DNAJC1: variants seen among roughly 807,000 people sequenced by gnomAD.
The protein encoded by DNAJC1 is dnaJ homolog subfamily C member 1.
Under a neutral mutation model 76.6 loss-of-function variants are expected in DNAJC1, and 58 were observed. That is an observed-to-expected ratio of 0.76 (90% CI 0.61 to 0.94). DNAJC1 has a LOEUF of 0.94. DNAJC1 is among the 40% of genes least tolerant of loss of function. DNAJC1 has a pLI of 0.00. For synonymous variants in DNAJC1, 258 were observed against 267.9 expected (o/e 0.96, Z 0.36); for missense variants, 689 against 677.3 (o/e 1.02, Z -0.19).
At chr10:21,863,128 G>A (rs999195041) in intron 8 of DNAJC1, among the ~76,000 whole-genome samples, 12 of 151,912 alleles carry the variant, frequency 7.9e-5, no homozygotes, top group East Asian at 5.8e-4. Flanking sequence ...GTGAAACTCC[G>A]TCTCAGAAAA....
At chr10:21,979,270 C>A (rs1564843609) in intron 1 of DNAJC1, among the ~76,000 whole-genome samples, 1 of 152,006 alleles carries the variant, frequency 6.6e-6, no homozygotes, top group Non-Finnish European at 1.5e-5. Flanking sequence ...TCTGATCAAT[C>A]TCTGAGTGCA....
At chr10:21,780,691 C>T (rs1215921305) in intron 9 of DNAJC1, among the ~76,000 whole-genome samples, 26 of 152,152 alleles carry the variant, frequency 1.7e-4, no homozygotes, top group Admixed American at 5.2e-4. Context: ...CATCAACTAA[C>T]GAGCAAAATA....
chr10:21,859,048 A>C (rs1202271320), intron 8 of DNAJC1, among the ~76,000 whole-genome samples: 1 of 152,226 alleles, frequency 6.6e-6, no homozygotes, highest in East Asian at 1.9e-4. Context: ...TATAATTTTT[A>C]AAATTTCATC....
chr10:21,872,073 CTT>C (rs546290479), intron 8 of DNAJC1, among the ~76,000 whole-genome samples: 46 of 132,934 alleles, frequency 3.5e-4, no homozygotes, highest in Admixed American at 6.8e-4. Flanking sequence ...GTTAAATCAT[CTT>C]TTTTTTTTTT....
chr10:21,959,622 C>T (rs1811055655), intron 1 of DNAJC1, among the ~76,000 whole-genome samples: 1 of 151,478 alleles, frequency 6.6e-6, no homozygotes, highest in Admixed American at 6.6e-5. Context: ...TCTGTCTCTA[C>T]TGAAAATACA....
intron 8 of DNAJC1, among the ~76,000 whole-genome samples, chr10:21,815,038 C>T (rs1835052455): frequency 6.6e-6 from 1 of 152,174 alleles, no homozygotes; most frequent in Non-Finnish European, 1.5e-5. Flanking sequence ...TCCACGACCT[C>T]AGCTAGAAAG....
At chr10:21,803,726 T>C (rs1834844946) in intron 9 of DNAJC1, 1 of 612,224 alleles carries the variant, frequency 1.6e-6, no homozygotes, top group Non-Finnish European at 2.0e-6. Context: ...AGAATGAAAA[T>C]GCAGTGTGGG....
intron 1 of DNAJC1, among the ~76,000 whole-genome samples, chr10:21,965,087 T>C (rs1258757890): frequency 1.3e-5 from 2 of 152,174 alleles, no homozygotes. Context: ...TTACTATTAA[T>C]ATTATACAAC....
intron 1 of DNAJC1, among the ~76,000 whole-genome samples, chr10:21,947,989 CAT>C (rs1001050695): frequency 6.6e-6 from 1 of 151,822 alleles, no homozygotes; most frequent in African/African-American, 2.4e-5. Context: ...AAGGCAAATA[CAT>C]AGTTTGATTT....
At chr10:21,762,785 C>T (rs1404982181) in intron 10 of DNAJC1, among the ~76,000 whole-genome samples, 1 of 152,176 alleles carries the variant, frequency 6.6e-6, no homozygotes, top group South Asian at 2.1e-4. Context: ...GTATTTTTAA[C>T]AAATGAGTTC....
chr10:21,774,405 ACTCT>A (rs565571703), intron 9 of DNAJC1, among the ~76,000 whole-genome samples: 116 of 152,266 alleles, frequency 7.6e-4, no homozygotes, highest in African/African-American at 2.5e-3. Context: ...GATTCATATA[ACTCT>A]CTAACATCTT....
At chr10:21,881,285 A>G (rs1030083416) in intron 8 of DNAJC1, among the ~76,000 whole-genome samples, 8 of 152,192 alleles carry the variant, frequency 5.3e-5, no homozygotes, top group Admixed American at 5.2e-4. Flanking sequence ...CCTTTGATGT[A>G]TTCACTGGAA....
At chr10:21,898,843 A>G (rs1836593929) in intron 7 of DNAJC1, among the ~76,000 whole-genome samples, 1 of 152,162 alleles carries the variant, frequency 6.6e-6, no homozygotes, top group Non-Finnish European at 1.5e-5. Context: ...TACTAAAAAA[A>G]AAAAAAAGAA....
intron 9 of DNAJC1, among the ~76,000 whole-genome samples, chr10:21,767,720 GCA>G (rs1402247582): frequency 3.3e-5 from 5 of 152,174 alleles, no homozygotes; most frequent in African/African-American, 1.2e-4. Context: ...TATTGACCAG[GCA>G]CAGTCGCTCA....
chr10:21,992,641 A>G (rs532311541), intron 1 of DNAJC1, among the ~76,000 whole-genome samples: 3 of 152,336 alleles, frequency 2.0e-5, no homozygotes, highest in South Asian at 2.1e-4. Context: ...TTTGTATCAC[A>G]TATCTATTGC....
intron 9 of DNAJC1, among the ~76,000 whole-genome samples, chr10:21,786,463 T>TATATATAG (rs1332368009): frequency 8.5e-5 from 2 of 23,406 alleles, no homozygotes; most frequent in Admixed American, 7.2e-4. Flanking sequence ...TATATATATA[T>TATATATAG]AGAGAGAGAG....
chr10:21,807,550 T>C (rs764223081), intron 8 of DNAJC1, among the ~76,000 whole-genome samples: 2 of 152,242 alleles, frequency 1.3e-5, no homozygotes, highest in African/African-American at 2.4e-5. Context: ...TTGCATTCAT[T>C]TGCAAAGCAA....
chr10:21,889,013 A>T (rs890685774), intron 7 of DNAJC1, among the ~76,000 whole-genome samples: 2 of 152,324 alleles, frequency 1.3e-5, no homozygotes, highest in East Asian at 3.8e-4. Flanking sequence ...TTCAAAATGT[A>T]TTAGTTCATT....
intron 1 of DNAJC1, among the ~76,000 whole-genome samples, chr10:21,984,956 T>C (rs940150829): frequency 6.6e-6 from 1 of 152,200 alleles, no homozygotes; most frequent in East Asian, 1.9e-4. Context: ...TGCTCAGATA[T>C]ATCATAATTC....
Sources: gnomAD v4.1 joint callset for allele counts (sites outside exome capture counted in the v4.1 genomes callset) on GRCh38, gnomAD v4.1.1 for gene constraint, MANE v1.5 for transcripts, NCBI Gene and HGNC (gene_info 2026-07-23, HGNC 2026-07-21) for gene names.